Variants in KCNMA1 observed in about 807,000 individuals in gnomAD.
The protein encoded by KCNMA1 is Calcium-activated potassium channel subunit alpha-1.
A neutral mutation model predicts 140.0 loss-of-function variants in KCNMA1; 29 were observed. The ratio of observed to expected loss-of-function variants is 0.21; its 90% CI spans 0.15 to 0.28. The LOEUF (loss-of-function observed/expected upper bound fraction) is 0.28, where lower values mean the gene tolerates loss of function less well. KCNMA1 is among the 10% of genes least tolerant of loss of function. KCNMA1 has a pLI of 1.00. For missense variants in KCNMA1, 880 were observed against 1,602.2 expected (o/e 0.55, Z 7.70); for synonymous variants, 612 against 611.9 (o/e 1.00, Z 0.00).
chr10:77,403,784 A>C, intron 2 of KCNMA1, 78 bp downstream of exon 2: 10 of 1,416,090 alleles, frequency 7.1e-6, no homozygotes, highest in Non-Finnish European at 9.7e-6. Flanking sequence ...GACCCTGGGG[A>C]ATATCACGTC....
At chr10:76,892,452 G>C (rs1472861783) in intron 25 of KCNMA1, among the ~76,000 whole-genome samples, 2 of 152,092 alleles carry the variant, frequency 1.3e-5, no homozygotes, top group Non-Finnish European at 2.9e-5. Context: ...AAATTAATAG[G>C]ATGTCAAATA....
rs1287859802 is a variant in KCNMA1, at chr10:77,072,601, C to CATTT, written c.1749+495_1749+496insAAAT. Among the ~76,000 whole-genome samples the CATTT allele has an allele frequency of 9.2e-5, 14 of 152,272 alleles. No individual in the cohort carries two copies. The South Asian group carries it at 1.2e-3, about 14-fold the overall frequency. ...ATTGTTTCGCTCTCCATTCAAACAA[C>CATTT]CGCGGCATGTCAGTCCTGCTGGCCT... On this transcript the variant is annotated intron_variant, in intron 14 of 27. Transcript: ENST00000286628.
At chr10:77,562,625 A>T (rs2619640) in intron 1 of KCNMA1, among the ~76,000 whole-genome samples, 2 of 151,994 alleles carry the variant, frequency 1.3e-5, no homozygotes, top group Non-Finnish European at 2.9e-5. Flanking sequence ...GCAATTCCCT[A>T]GGCCCAGCAT....
intron 20 of KCNMA1, among the ~76,000 whole-genome samples, chr10:76,961,022 C>G (rs1215246422): frequency 2.0e-5 from 3 of 151,678 alleles, no homozygotes; most frequent in Non-Finnish European, 2.9e-5. Context: ...GCCCATGGAT[C>G]AAGGGGTAAT....
At chr10:76,945,019 G>C in intron 22 of KCNMA1, 54 bp from the exon 23 acceptor site, 5 of 1,382,220 alleles carry the variant, frequency 3.6e-6, no homozygotes, top group Non-Finnish European at 5.1e-6. Flanking sequence ...AAGAGACAGA[G>C]AGAGAGAGAG....
At chr10:77,219,616 C>T (rs533163090) in intron 3 of KCNMA1, among the ~76,000 whole-genome samples, 14 of 152,194 alleles carry the variant, frequency 9.2e-5, no homozygotes, top group South Asian at 8.3e-4. Flanking sequence ...TGTTGTTGTT[C>T]GTTTTGTTTT....
intron 14 of KCNMA1, chr10:77,071,685 A>G (rs1404159432): frequency 6.6e-6 from 1 of 152,190 alleles, no homozygotes; most frequent in African/African-American, 2.4e-5. Flanking sequence ...GCTGGATCTG[A>G]GCTCAGAGTT....
At chr10:77,258,372 A>G (rs1214445535) in intron 2 of KCNMA1, among the ~76,000 whole-genome samples, 3 of 152,136 alleles carry the variant, frequency 2.0e-5, no homozygotes, top group African/African-American at 7.2e-5. Context: ...GCAGAATGTC[A>G]TCCCACAAAA....
intron 5 of KCNMA1, among the ~76,000 whole-genome samples, chr10:77,166,501 A>T (rs1046487708): frequency 6.6e-6 from 1 of 152,136 alleles, no homozygotes; most frequent in Non-Finnish European, 1.5e-5. Context: ...ATACTGCAAC[A>T]CATACTAGTT....
intron 2 of KCNMA1, among the ~76,000 whole-genome samples, chr10:77,331,215 T>C (rs1385023127): frequency 3.3e-5 from 5 of 152,166 alleles, no homozygotes; most frequent in Non-Finnish European, 5.9e-5. Context: ...CCAGCTGGCA[T>C]ACTCTCAGGC....
chr10:77,130,622 A>G (rs367721538), intron 5 of KCNMA1, among the ~76,000 whole-genome samples: 5 of 152,262 alleles, frequency 3.3e-5, no homozygotes, highest in African/African-American at 1.2e-4. Context: ...ATGGATCACA[A>G]TGGTTTATGT....
chr10:77,188,988 G>A (rs887903410), intron 3 of KCNMA1, among the ~76,000 whole-genome samples: 7 of 152,114 alleles, frequency 4.6e-5, no homozygotes, highest in African/African-American at 1.7e-4. Context: ...ACCTCCCTGA[G>A]TCTGGCTGCC....
intron 1 of KCNMA1, among the ~76,000 whole-genome samples, chr10:77,472,888 G>A (rs2154529038): frequency 6.6e-6 from 1 of 152,298 alleles, no homozygotes; most frequent in East Asian, 1.9e-4. Context: ...GGCTCAGGAT[G>A]GGCTCCAGGT....
At chr10:77,297,808 A>C (rs577511771) in intron 2 of KCNMA1, among the ~76,000 whole-genome samples, 1 of 152,274 alleles carries the variant, frequency 6.6e-6, no homozygotes, top group Non-Finnish European at 1.5e-5. Context: ...ACATGACAGG[A>C]GTGGAGAAGG....
intron 7 of KCNMA1, among the ~76,000 whole-genome samples, chr10:77,112,135 T>C (rs2097340620): frequency 6.6e-6 from 1 of 152,130 alleles, no homozygotes; most frequent in Non-Finnish European, 1.5e-5. Context: ...ACAATACCAA[T>C]GAGCAATGAA....
At chr10:77,619,941 T>C (rs984252080) in intron 1 of KCNMA1, among the ~76,000 whole-genome samples, 2 of 152,126 alleles carry the variant, frequency 1.3e-5, no homozygotes, top group African/African-American at 4.8e-5. Context: ...GAGTAGGCCA[T>C]CACTGGGGCC....
intron 4 of KCNMA1, 145 bp downstream of exon 4, chr10:77,184,678 C>G: frequency 1.4e-6 from 1 of 702,846 alleles, no homozygotes; most frequent in Non-Finnish European, 2.6e-6. Flanking sequence ...GGAGAGGGCT[C>G]TCTCTCAGAC....
Position 77,636,414 on chromosome 10 carries a change from G to A in KCNMA1, c.378+851C>T, listed in dbSNP as rs570703968. On this transcript the variant is annotated intron_variant, in intron 1 of 27. Coordinates refer to ENST00000286628, the MANE Select transcript of KCNMA1 (RefSeq NM_001161352.2). The stretch of plus-strand genomic sequence containing the variant: ...AAAGCCGACGACATCTAGCCACCTC[G>A]AGCGCCAGGGAAGACGCTCCGCGTA... 22 of 1,535,998 alleles carry A rather than the reference G, an allele frequency of 1.4e-5. No individual in the cohort carries two copies. In the South Asian group the frequency reaches 1.8e-4, roughly 12 times the overall value.
intron 15 of KCNMA1, among the ~76,000 whole-genome samples, chr10:77,029,709 C>T (rs1319252955): frequency 6.6e-6 from 1 of 152,078 alleles, no homozygotes; most frequent in Non-Finnish European, 1.5e-5. Context: ...GCAGGGAGCA[C>T]AACAGCATGA....
Sources: gnomAD v4.1 joint callset for allele counts (sites outside exome capture counted in the v4.1 genomes callset) on GRCh38, gnomAD v4.1.1 for gene constraint, MANE v1.5 for transcripts, NCBI Gene and HGNC (gene_info 2026-07-23, HGNC 2026-07-21) for gene names.